The following AKAP10 variants were observed in gnomAD, a reference collection of about 807,000 sequenced individuals.
AKAP10 encodes A-kinase anchoring protein 10.
AKAP10 carries 24 observed loss-of-function variants against 80.8 expected under a neutral mutation model. The ratio of observed to expected loss-of-function variants is 0.30; its 90% CI spans 0.22 to 0.42. The LOEUF (loss-of-function observed/expected upper bound fraction) is 0.42, where lower values mean the gene tolerates loss of function less well. Ranked by LOEUF, AKAP10 falls within the 10% of genes least tolerant of loss-of-function variation. AKAP10 has a pLI of 1.00. For synonymous variants in AKAP10, 291 were observed against 277.7 expected (o/e 1.05, Z -0.48); for missense variants, 661 against 794.9 (o/e 0.83, Z 2.03).
rs1394283508 is a variant in AKAP10 at position 19,952,687 on chromosome 17, G to C, written c.878-5182C>G. 3.3e-5 allele frequency among the ~76,000 whole-genome samples: 5 copies of C among 152,038 alleles called. No individual in the cohort carries two copies. In the South Asian group the frequency reaches 1.0e-3, roughly 31 times the overall value. ...TTAGAACAAGGAAAATTACCATAAA[G>C]AGGGAATTACATAATGATAAAACAG... On this transcript the variant is annotated intron_variant, in intron 4 of 14. Coordinates refer to ENST00000225737, the MANE Select transcript of AKAP10 (RefSeq NM_007202.4).
intron 10 of AKAP10, among the ~76,000 whole-genome samples, chr17:19,924,799 T>G (rs1417723012): frequency 6.6e-6 from 1 of 152,066 alleles, no homozygotes; most frequent in Non-Finnish European, 1.5e-5. Context: ...CACTGCAGCC[T>G]CACCCTCCTG....
At chr17:19,924,250 A>G (rs2042850104) in intron 11 of AKAP10, among the ~76,000 whole-genome samples, 158 bp downstream of exon 11, 1 of 152,208 alleles carries the variant, frequency 6.6e-6, no homozygotes, top group African/African-American at 2.4e-5. Flanking sequence ...GTCACTCCAG[A>G]GCCTTTATAC....
At chr17:19,922,815 G>A (rs979740471) in intron 11 of AKAP10, among the ~76,000 whole-genome samples, 3 of 152,274 alleles carry the variant, frequency 2.0e-5, no homozygotes, top group African/African-American at 7.2e-5. Context: ...CAGAAGAAAC[G>A]CTTGAACCTG....
intron 10 of AKAP10, among the ~76,000 whole-genome samples, chr17:19,925,978 T>A (rs534122870): frequency 3.9e-5 from 6 of 152,222 alleles, no homozygotes; most frequent in Admixed American, 3.9e-4. Context: ...TGGAAGAGAA[T>A]CAAGAACCCA....
intron 5 of AKAP10, among the ~76,000 whole-genome samples, chr17:19,943,420 T>C (rs1434100913): frequency 2.0e-5 from 3 of 152,078 alleles, no homozygotes; most frequent in Non-Finnish European, 4.4e-5. Flanking sequence ...TGATCAATCA[T>C]GCCTATATAA....
chr17:19,923,716 C>T (rs765590624), intron 11 of AKAP10, among the ~76,000 whole-genome samples: 15 of 152,076 alleles, frequency 9.9e-5, no homozygotes, highest in Non-Finnish European at 2.1e-4. Flanking sequence ...TTAGTAGAGA[C>T]GGGGTTTCAT....
At chr17:19,946,317 T>G (rs2043131725) in intron 5 of AKAP10, among the ~76,000 whole-genome samples, 1 of 94,662 alleles carries the variant, frequency 1.1e-5, no homozygotes, top group South Asian at 4.1e-4. Flanking sequence ...GGTGAGGGCA[T>G]AAGAGAAGGC....
chr17:19,959,790 T>G (rs1460330063), intron 3 of AKAP10, among the ~76,000 whole-genome samples: 1 of 152,244 alleles, frequency 6.6e-6, no homozygotes, highest in Non-Finnish European at 1.5e-5. Flanking sequence ...ATCATTTTTT[T>G]GAAGCACGTC....
At chr17:19,976,791 A>G (rs985728252) in intron 1 of AKAP10, among the ~76,000 whole-genome samples, 12 of 152,186 alleles carry the variant, frequency 7.9e-5, no homozygotes, top group African/African-American at 2.7e-4. Flanking sequence ...TGCTGGGATT[A>G]CAGGCGTGAG....
intron 4 of AKAP10, among the ~76,000 whole-genome samples, chr17:19,948,450 T>C (rs2043160134): frequency 6.6e-6 from 1 of 152,094 alleles, no homozygotes; most frequent in South Asian, 2.1e-4. Context: ...GTTTTGTTCC[T>C]TTCTCTCCTT....
chr17:19,936,582 CT>C (rs2042995244), intron 8 of AKAP10, 152 bp from the exon 9 acceptor site: 6 of 756,346 alleles, frequency 7.9e-6, no homozygotes, highest in Non-Finnish European at 1.0e-5. Context: ...CTGATGTAAC[CT>C]TTCTTTGTTC....
At chr17:19,919,691 A>G (rs1597491998) in intron 12 of AKAP10, among the ~76,000 whole-genome samples, 1 of 152,200 alleles carries the variant, frequency 6.6e-6, no homozygotes. Context: ...TCAAAAAAAA[A>G]AAAGAAAAGA....
At chr17:19,968,920 T>C (rs1043845376) in intron 1 of AKAP10, among the ~76,000 whole-genome samples, 2 of 152,220 alleles carry the variant, frequency 1.3e-5, no homozygotes, top group African/African-American at 2.4e-5. Flanking sequence ...ATTATTACCA[T>C]GTGTCATCCA....
At chr17:19,923,324 C>T (rs902897983) in intron 11 of AKAP10, among the ~76,000 whole-genome samples, 1 of 152,176 alleles carries the variant, frequency 6.6e-6, no homozygotes, top group Admixed American at 6.5e-5. Flanking sequence ...GTAATCCGCC[C>T]GTCTCGGCCT....
chr17:19,971,925 G>A (rs1406147956), intron 1 of AKAP10, among the ~76,000 whole-genome samples: 1 of 152,162 alleles, frequency 6.6e-6, no homozygotes, highest in Non-Finnish European at 1.5e-5. Flanking sequence ...GGCCAACATG[G>A]CAAAACCCTG....
At chr17:19,964,494 T>C (rs918125253) in intron 2 of AKAP10, among the ~76,000 whole-genome samples, 7 of 152,232 alleles carry the variant, frequency 4.6e-5, no homozygotes, top group African/African-American at 1.7e-4. Context: ...TCTTTTATTC[T>C]TTCTGCTAGA....
chr17:19,977,660 G>A lies in AKAP10; in HGVS notation c.20C>T (p.Ser7Phe), dbSNP rs2043590621. MRGAGP[S>F]PRQSPRTLRP... ...GAGGGTGCGGGGGGACTGGCGCGGG[G>A]AGGGCCCGGCTCCCCTCATTCAGCA... Residue 7 changes from serine to phenylalanine, a missense_variant, in exon 1 of 15, where the codon TCC becomes TTC. Ser to Phe is a radical substitution (Grantham distance 155). Coordinates refer to ENST00000225737, the MANE Select transcript of AKAP10 (RefSeq NM_007202.4). 12 of 1,235,384 alleles carry A rather than the reference G, an allele frequency of 9.7e-6. No homozygotes were observed. The highest frequency in any genetic ancestry group is 1.2e-5 in the Non-Finnish European group (12 of 987,734). The allele number at this position is 1,235,384 out of a possible 1,614,324, so 76.5% of individuals were successfully genotyped here. A position where few individuals can be genotyped will look rare whatever the true frequency, so the allele number is the denominator to read the frequency against.
chr17:19,916,552 C>G (rs2042744151), intron 12 of AKAP10, among the ~76,000 whole-genome samples: 2 of 152,044 alleles, frequency 1.3e-5, no homozygotes, highest in Admixed American at 1.3e-4. Context: ...CACCGAACAC[C>G]TATGCTATGT....
In AKAP10 at chr17:19,936,340, T is replaced by C. The variant is rs1305396336; in HGVS notation, c.1413A>G (p.Pro471=). The change falls in exon 9 of 15, where the codon CCA becomes CCG. Residue 471 remains proline (P), a synonymous_variant. Transcript: ENST00000225737. ...IESNICREGG[P]LPNCFTTPLR... ...ATGGAGTTGTGAAACAGTTGGGGAGTGGCCCACCTTCCCTGCAGATATTGG... is the reference window on the plus strand; with the variant it reads ...ATGGAGTTGTGAAACAGTTGGGGAGCGGCCCACCTTCCCTGCAGATATTGG... 2 of 1,613,766 alleles carry C rather than the reference T, an allele frequency of 1.2e-6. No homozygotes were observed. The highest frequency in any genetic ancestry group is 2.2e-5 in the South Asian group (2 of 91,042).
Sources: allele counts gnomAD v4.1 joint callset (sites outside exome capture counted in the v4.1 genomes callset), GRCh38; gene constraint gnomAD v4.1.1; transcripts MANE v1.5; gene names NCBI Gene and HGNC (gene_info 2026-07-23, HGNC 2026-07-21).